EXOC6: variants seen among roughly 807,000 people sequenced by gnomAD.
EXOC6 encodes the protein SEC15-like 1.
EXOC6 carries 60 observed loss-of-function variants against 112.5 expected under a neutral mutation model. The ratio of observed to expected loss-of-function variants is 0.53; its 90% CI spans 0.43 to 0.66. The LOEUF (loss-of-function observed/expected upper bound fraction) is 0.66. Among genes scored for constraint, EXOC6 ranks in the 30% least tolerant of loss-of-function variants. The pLI is 0.00. For missense variants in EXOC6, 855 were observed against 957.1 expected, an observed-to-expected ratio of 0.89 and a Z score of 1.41; for synonymous variants, 295 against 308.0, an observed-to-expected ratio of 0.96 and a Z score of 0.44.
At chr10:93,034,506 C>T (rs1291087941) in intron 20 of EXOC6, among the ~76,000 whole-genome samples, 3 of 152,184 alleles carry the variant, frequency 2.0e-5, no homozygotes. Flanking sequence ...CCCTGATAAA[C>T]ATACACTTGT....
At chr10:92,857,790 TCTGTGTGTGTCTG>T (rs1218889283) in intron 1 of EXOC6, among the ~76,000 whole-genome samples, 1 of 151,664 alleles carries the variant, frequency 6.6e-6, no homozygotes, top group East Asian at 1.9e-4. Context: ...TTTGTGTGTG[TCTGTGTGTGTCTG>T]GTCTGTGTGT....
At chr10:93,030,925 G>C (rs1306335831) in intron 20 of EXOC6, among the ~76,000 whole-genome samples, 2 of 152,010 alleles carry the variant, frequency 1.3e-5, no homozygotes, top group African/African-American at 4.8e-5. Context: ...TCTAATTTTT[G>C]CCAAAATAAG....
upstream of EXOC6, among the ~76,000 whole-genome samples, chr10:92,830,714 G>C (rs1846461170): frequency 6.6e-6 from 1 of 152,080 alleles, no homozygotes; most frequent in South Asian, 2.1e-4. Flanking sequence ...CCTCGAGCAG[G>C]GGACCCACAA....
Position 92,966,499 on chromosome 10 carries a change from C to T in EXOC6, c.1774-7554C>T, listed in dbSNP as rs188592432. ...TCCCCTTCCTGTGTCCATGTGTTCT[C>T]ATTGTTCAATTCCCATCTATGAGTG... On this transcript the variant is annotated intron_variant, in intron 17 of 21. Transcript: ENST00000260762. Among the ~76,000 whole-genome samples, 842 of 139,788 alleles carry T rather than the reference C, an allele frequency of 6.0e-3. 8 individuals are homozygous for T. The highest frequency in any genetic ancestry group is 0.021 in the African/African-American group (791 of 37,430). The allele number at this position is 139,788 out of a possible 152,430, so 91.7% of individuals were successfully genotyped here.
At chr10:92,873,149 T>A (rs1003350115) in intron 1 of EXOC6, among the ~76,000 whole-genome samples, 2 of 152,226 alleles carry the variant, frequency 1.3e-5, no homozygotes, top group Non-Finnish European at 2.9e-5. Flanking sequence ...TTTTACCAAA[T>A]GCCCAAAAGT....
At chr10:92,994,689 G>T (rs1320261212) in intron 18 of EXOC6, among the ~76,000 whole-genome samples, 1 of 151,802 alleles carries the variant, frequency 6.6e-6, no homozygotes, top group Non-Finnish European at 1.5e-5. Context: ...AATGAAAAGG[G>T]CTAGTTTTTA....
At chr10:92,843,954 G>A (rs1211144063), upstream of EXOC6, among the ~76,000 whole-genome samples, 3 of 136,836 alleles carry the variant, frequency 2.2e-5, no homozygotes, top group East Asian at 6.1e-4. Context: ...TCCAGCCTGG[G>A]CGACAGAGCG....
intron 1 of EXOC6, among the ~76,000 whole-genome samples, chr10:92,853,691 A>C (rs574624215): frequency 6.6e-6 from 1 of 152,222 alleles, no homozygotes; most frequent in Non-Finnish European, 1.5e-5. Flanking sequence ...CTTACATAAA[A>C]TAATGAACTT....
chr10:92,949,594 C>CT (rs35310204), intron 14 of EXOC6, among the ~76,000 whole-genome samples: 4,380 of 129,278 alleles, frequency 0.034, 166 homozygotes, highest in East Asian at 0.14. Context: ...CTGCTTGTGG[C>CT]TTTTTTTTTT....
At chr10:92,842,345 C>T (rs1169586794) in intron 1 of EXOC6, among the ~76,000 whole-genome samples, 2 of 120,020 alleles carry the variant, frequency 1.7e-5, no homozygotes, top group Non-Finnish European at 3.3e-5. Flanking sequence ...GGCAACAGAG[C>T]GAGACTCTGT....
intron 1 of EXOC6, among the ~76,000 whole-genome samples, chr10:92,855,027 G>T (rs75916766): frequency 6.6e-6 from 1 of 151,974 alleles, no homozygotes; most frequent in Non-Finnish European, 1.5e-5. Context: ...TTAATATACT[G>T]TTGGATTTGG....
At position 92,938,380 on chromosome 10, in the gene EXOC6, T is replaced by G. The variant is rs536709718; in HGVS notation, c.1213-2347T>G. On this transcript the variant is annotated intron_variant, in intron 12 of 21. Transcript: ENST00000260762. The stretch of plus-strand genomic sequence containing the variant: ...GTATTAGGTCTATCTTATACTGAAT[T>G]AATGATTGCCAGCTTTTAAATTTAT... Among the ~76,000 whole-genome samples the G allele has an allele frequency of 2.6e-5, 4 of 152,262 alleles. No homozygotes were observed. The South Asian group carries it at 8.3e-4, about 32-fold the overall frequency.
Position 92,958,869 on chromosome 10 carries a change from G to A in EXOC6, c.1773+3155G>A, listed in dbSNP as rs546762428. 4.8e-3 allele frequency among the ~76,000 whole-genome samples: 738 copies of A among 152,246 alleles called. 7 individuals are homozygous for A. The highest frequency in any genetic ancestry group is 6.4e-3 in the Non-Finnish European group (432 of 68,016). Reference sequence around the variant, plus strand: ...CCAGCACTTTGGGAGGGCGAGGTGGGCGGATCATGAGGTCAGGAGATCAAG... The same window carrying A: ...CCAGCACTTTGGGAGGGCGAGGTGGACGGATCATGAGGTCAGGAGATCAAG... On this transcript the variant is annotated intron_variant, in intron 17 of 21. Coordinates refer to ENST00000260762, the MANE Select transcript of EXOC6 (RefSeq NM_019053.6).
At chr10:92,925,058 T>G (rs1056969810) in intron 8 of EXOC6, among the ~76,000 whole-genome samples, 1 of 152,198 alleles carries the variant, frequency 6.6e-6, no homozygotes, top group Non-Finnish European at 1.5e-5. Context: ...TTTCCAAAAG[T>G]TGAACAGGTT....
intron 18 of EXOC6, among the ~76,000 whole-genome samples, chr10:92,984,959 A>G (rs1008078369): frequency 6.6e-6 from 1 of 152,112 alleles, no homozygotes; most frequent in Non-Finnish European, 1.5e-5. Flanking sequence ...TGATTGCATC[A>G]CTGCACTCCA....
chr10:93,034,990 C>T (rs990885818), intron 20 of EXOC6, among the ~76,000 whole-genome samples: 16 of 152,180 alleles, frequency 1.1e-4, no homozygotes, highest in African/African-American at 1.4e-4. Flanking sequence ...GCTCCTCCAG[C>T]AAGCATTTTT....
chr10:92,975,173 C>T (rs1396210148), intron 18 of EXOC6, among the ~76,000 whole-genome samples: 1 of 151,664 alleles, frequency 6.6e-6, no homozygotes, highest in East Asian at 2.0e-4. Context: ...GCGTCTCTGC[C>T]TGGCCGCCCA....
upstream of EXOC6, among the ~76,000 whole-genome samples, chr10:92,847,122 G>A (rs1358246260): frequency 6.6e-6 from 1 of 152,210 alleles, no homozygotes; most frequent in East Asian, 1.9e-4. Context: ...AGCCCAGTGA[G>A]ACCTGTGACA....
intron 19 of EXOC6, among the ~76,000 whole-genome samples, chr10:93,005,889 A>C (rs571429108): frequency 1.3e-5 from 2 of 152,120 alleles, no homozygotes; most frequent in African/African-American, 4.8e-5. Context: ...GCTGGGCACA[A>C]TGGCTCATGC....
Sources: gnomAD v4.1 joint callset for allele counts (sites outside exome capture counted in the v4.1 genomes callset) on GRCh38, gnomAD v4.1.1 for gene constraint, MANE v1.5 for transcripts, NCBI Gene and HGNC (gene_info 2026-07-23, HGNC 2026-07-21) for gene names.